The following TNRC6B variants were observed in gnomAD, a reference collection of about 807,000 sequenced individuals.
TNRC6B encodes the protein trinucleotide repeat-containing gene 6B protein.
A neutral mutation model predicts 203.6 loss-of-function variants in TNRC6B; 52 were observed. The observed-to-expected ratio is 0.26, with a 90% CI of 0.20 to 0.32. TNRC6B has a LOEUF of 0.32. TNRC6B is among the 10% of genes least tolerant of loss of function. The pLI, the probability that TNRC6B is intolerant of heterozygous loss-of-function variation, is 1.00. For missense variants in TNRC6B, 1,923 were observed against 2,286.2 expected (o/e 0.84, Z 3.24); for synonymous variants, 838 against 845.7 (o/e 0.99, Z 0.16).
upstream of TNRC6B, among the ~76,000 whole-genome samples, chr22:40,175,080 C>T (rs1040785393): frequency 2.8e-4 from 43 of 151,910 alleles, no homozygotes; most frequent in Non-Finnish European, 7.4e-5. Flanking sequence ...ATTCAGTGGC[C>T]GGGCGCAGTG....
intron 10 of TNRC6B, 78 bp from the exon 11 acceptor site, chr22:40,281,041 C>A: frequency 8.3e-7 from 1 of 1,203,410 alleles, no homozygotes; most frequent in Non-Finnish European, 1.1e-6. Context: ...GCTAGTGTTT[C>A]TCTCTTTTCC....
intron 1 of TNRC6B, among the ~76,000 whole-genome samples, chr22:40,072,861 CAAAAAAAAA>C (rs767881898): frequency 6.7e-4 from 31 of 46,534 alleles, no homozygotes; most frequent in Non-Finnish European, 1.3e-3. Context: ...GAGATTCTCT[CAAAAAAAAA>C]AAAAAAAAAA....
rs373486663 is a variant in TNRC6B at position 40,265,133 on chromosome 22, C to G, written c.903C>G (p.Asn301Lys). ...TTGGACCTGGCTCTGGCTTCAGCAA[C>G]TTTAACCCAAATAGCAACCCATCTG... ...DRIGPGSGFSNFNPNSNPSAW... is the reference protein window; with the variant it reads ...DRIGPGSGFSKFNPNSNPSAW... Residue 301 changes from asparagine (N) to lysine (K), a missense_variant, in exon 5 of 23, where the codon AAC becomes AAG. Coordinates refer to ENST00000454349, the MANE Select transcript of TNRC6B (RefSeq NM_001162501.2). 1 of 1,613,886 alleles carries G rather than the reference C, an allele frequency of 6.2e-7. No individual in the cohort carries two copies. The highest frequency in any genetic ancestry group is 1.3e-5 in the African/African-American group (1 of 74,942).
Position 40,276,076 on chromosome 22 carries a change from G to A in TNRC6B, c.3142-1001G>A, listed in dbSNP as rs557198414. Among the ~76,000 whole-genome samples the A allele has an allele frequency of 1.2e-4, 18 of 152,100 alleles. No homozygotes were observed. In the East Asian group the frequency reaches 3.1e-3, roughly 26 times the overall value. ...ATGACTACCATCACGGGCTGGGCAC[G>A]GTGGCTCACACCTGTAATCCCAGCA... On this transcript the variant is annotated intron_variant, in intron 7 of 22. Transcript: ENST00000454349.
intron 1 of TNRC6B, among the ~76,000 whole-genome samples, chr22:40,071,514 T>G (rs1400645144): frequency 1.3e-5 from 2 of 152,218 alleles, no homozygotes; most frequent in Non-Finnish European, 2.9e-5. Flanking sequence ...ATTTGGACTT[T>G]GGTATTACCA....
Position 40,265,569 on chromosome 22 carries a change from G to A in TNRC6B, c.1339G>A (p.Gly447Arg). 6.2e-7 allele frequency: 1 copy of A among 1,613,768 alleles called. No homozygotes were observed. Among genetic ancestry groups the A allele is most frequent in the Non-Finnish European group, 8.5e-7 (1 of 1,179,812 alleles). Residue 447 changes from glycine (G) to arginine (R), a missense_variant, in exon 5 of 23, where the codon GGG (glycine) becomes AGG (arginine). Gly to Arg is a moderately radical substitution (Grantham distance 125). Around this residue, in one of 8 missense-constraint regions of TNRC6B, gnomAD observed 614 missense variants for 587.7 expected, o/e 1.04. Transcript: ENST00000454349. Reference sequence around the variant, plus strand: ...TGGACAAAGCAATTCTGGAAACAATGGGAACAATGGAAAAGAGAGAGAGGA... The same window carrying A: ...TGGACAAAGCAATTCTGGAAACAATAGGAACAATGGAAAAGAGAGAGAGGA... ...VSGQSNSGNN[G>R]NNGKEREDSW...
At chr22:40,280,463 G>A (rs775111399) in intron 10 of TNRC6B, among the ~76,000 whole-genome samples, 5 of 152,194 alleles carry the variant, frequency 3.3e-5, no homozygotes, top group African/African-American at 7.2e-5. Context: ...TAAATTTTGG[G>A]ATTTTGTGCA....
At chr22:40,301,450 T>C in intron 15 of TNRC6B, 117 bp downstream of exon 15, 1 of 1,119,360 alleles carries the variant, frequency 8.9e-7, no homozygotes, top group Non-Finnish European at 1.3e-6. Context: ...TAGGTAAATA[T>C]TCTTATCCCT....
chr22:40,136,406 CT>C (rs11454583), intron 3 of TNRC6B, among the ~76,000 whole-genome samples: 12 of 108,020 alleles, frequency 1.1e-4, no homozygotes, highest in African/African-American at 2.2e-4. Context: ...TGTGTGTATA[CT>C]TTTTTTTTTG....
At chr22:40,106,204 A>G in intron 1 of TNRC6B, 1 of 272,854 alleles carries the variant, frequency 3.7e-6, no homozygotes, top group Non-Finnish European at 6.4e-6. Flanking sequence ...TATTGGTTTT[A>G]TGTTGCCTGC....
chr22:40,078,306 G>C (rs1274133299), intron 1 of TNRC6B, among the ~76,000 whole-genome samples: 5 of 152,204 alleles, frequency 3.3e-5, no homozygotes, highest in Non-Finnish European at 7.3e-5. Context: ...AAGATTGCTT[G>C]AGGCCAGGAG....
intron 2 of TNRC6B, among the ~76,000 whole-genome samples, chr22:40,120,816 C>T (rs1457060424): frequency 6.6e-6 from 1 of 152,132 alleles, no homozygotes; most frequent in Non-Finnish European, 1.5e-5. Context: ...TAAGGGCAAG[C>T]AGATTTTTAA....
chr22:40,173,014 CTCAGCCCTAATGTT>C (rs2069017040), upstream of TNRC6B, among the ~76,000 whole-genome samples: 1 of 152,218 alleles, frequency 6.6e-6, no homozygotes, highest in Admixed American at 6.5e-5. Context: ...TATCCTCTTT[CTCAGCCCTAATGTT>C]TGTGACTTCT....
intron 1 of TNRC6B, among the ~76,000 whole-genome samples, chr22:40,219,516 G>A (rs1010583605): frequency 3.9e-5 from 6 of 152,042 alleles, no homozygotes; most frequent in African/African-American, 9.7e-5. Flanking sequence ...CCTCCCTCCC[G>A]GTCTGTATGG....
rs750331450 is a variant in TNRC6B, at chr22:40,315,469, T to G, written c.4865T>G (p.Val1622Gly). Residue 1622 changes from valine (V) to glycine (G), a missense_variant, in exon 20 of 23, where the codon GTC (valine) becomes GGC (glycine). Val to Gly is a moderately radical substitution (Grantham distance 109). Around this residue, in one of 8 missense-constraint regions of TNRC6B, gnomAD observed 159 missense variants for 181.0 expected, o/e 0.88. Transcript: ENST00000454349. ...TGGAGCAGCACAGCACCCCGATCAGTCAGGGGGTGGGGGACACAGGACTCA... is the reference window on the plus strand; with the variant it reads ...TGGAGCAGCACAGCACCCCGATCAGGCAGGGGGTGGGGGACACAGGACTCA... ...SPWSSTAPRS[V>G]RGWGTQDSRL... The G allele has an allele frequency of 1.9e-6, 3 of 1,613,912 alleles. No homozygotes were observed. The highest frequency in any genetic ancestry group is 2.2e-5 in the South Asian group (2 of 91,074).
chr22:40,142,918 T>C (rs972215227), intron 3 of TNRC6B, among the ~76,000 whole-genome samples: 1 of 152,208 alleles, frequency 6.6e-6, no homozygotes, highest in African/African-American at 2.4e-5. Flanking sequence ...ATACTATATA[T>C]AAAACTTAAT....
At chr22:40,179,359 A>AC (rs1320114422) in intron 1 of TNRC6B, among the ~76,000 whole-genome samples, 4 of 149,948 alleles carry the variant, frequency 2.7e-5, no homozygotes, top group Admixed American at 6.6e-5. Context: ...AAATTACTCC[A>AC]CCCCCCTGAG....
chr22:40,103,008 T>A (rs1386139218), intron 1 of TNRC6B, among the ~76,000 whole-genome samples: 1 of 151,994 alleles, frequency 6.6e-6, no homozygotes, highest in Admixed American at 6.5e-5. Flanking sequence ...ACCAGGGAGT[T>A]GGAGGTTGCA....
At position 40,245,430 on chromosome 22, in the gene TNRC6B, A is replaced by AAAAATAG. The variant is rs1247327173; in HGVS notation, c.6-574_6-568dup. On this transcript the variant is annotated intron_variant, in intron 1 of 22. Coordinates refer to ENST00000454349, the MANE Select transcript of TNRC6B (RefSeq NM_001162501.2). ...TTATAGGACACTCAGTGCCTGCCTTAAAAATAGAAAATAGAAATAGAAATA... is the reference window on the plus strand; with the variant it reads ...TTATAGGACACTCAGTGCCTGCCTTAAAAATAGAAAATAGAAAATAGAAATAGAAATA... Among the ~76,000 whole-genome samples, 12 of 152,094 alleles carry AAAAATAG rather than the reference A, an allele frequency of 7.9e-5. 1 individual carries two copies. The highest frequency in any genetic ancestry group is 3.3e-4 in the Admixed American group (5 of 15,254).
Sources: gnomAD v4.1 joint callset for allele counts (sites outside exome capture counted in the v4.1 genomes callset) on GRCh38, gnomAD v4.1.1 for gene constraint, gnomAD v4.1.1 regional missense constraint, MANE v1.5 for transcripts, NCBI Gene and HGNC (gene_info 2026-07-23, HGNC 2026-07-21) for gene names.